Variants in MYOCD observed in about 807,000 individuals in gnomAD.
The protein encoded by MYOCD is myocardin.
Under a neutral mutation model 96.1 loss-of-function variants are expected in MYOCD, and 32 were observed. The observed-to-expected ratio is 0.33, with a 90% confidence interval of 0.25 to 0.45. The LOEUF (loss-of-function observed/expected upper bound fraction) is 0.45, where lower values mean the gene tolerates loss of function less well. MYOCD is among the 20% of genes least tolerant of loss of function. MYOCD has a pLI of 1.00. For missense variants in MYOCD, 1,133 were observed against 1,200.6 expected (o/e 0.94, Z 0.83); for synonymous variants, 469 against 469.0 (o/e 1.00, Z 0.00).
intron 1 of MYOCD, among the ~76,000 whole-genome samples, chr17:12,687,569 A>G (rs1158939848): frequency 2.0e-5 from 3 of 152,172 alleles, no homozygotes; most frequent in Non-Finnish European, 4.4e-5. Context: ...TTCTTTCCCC[A>G]AATGATAACT....
At chr17:12,711,223 A>G (rs763686998) in intron 2 of MYOCD, among the ~76,000 whole-genome samples, 1 of 152,234 alleles carries the variant, frequency 6.6e-6, no homozygotes, top group Non-Finnish European at 1.5e-5. Flanking sequence ...ATTTGTCTTT[A>G]AAACCAAGAC....
At chr17:12,699,971 A>G (rs1468377906) in intron 1 of MYOCD, among the ~76,000 whole-genome samples, 1 of 136,344 alleles carries the variant, frequency 7.3e-6, no homozygotes, top group Non-Finnish European at 1.5e-5. Context: ...GTGCAATGGC[A>G]CAATCTCGGC....
At chr17:12,669,370 C>T (rs188324347) in intron 1 of MYOCD, among the ~76,000 whole-genome samples, 1 of 152,276 alleles carries the variant, frequency 6.6e-6, no homozygotes, top group Non-Finnish European at 1.5e-5. Context: ...TCCCACTTCC[C>T]CATCTTAAAC....
chr17:12,680,502 T>A (rs887710383), intron 1 of MYOCD, among the ~76,000 whole-genome samples: 8 of 152,282 alleles, frequency 5.3e-5, no homozygotes, highest in African/African-American at 1.7e-4. Context: ...AAGGCGTAAA[T>A]CTGAGTCCCT....
intron 8 of MYOCD, 101 bp downstream of exon 8, chr17:12,744,537 T>C (rs1401534102): frequency 6.8e-5 from 97 of 1,417,866 alleles, no homozygotes; most frequent in Non-Finnish European, 8.2e-5. Flanking sequence ...AAGTCCTGTA[T>C]TGCACCATTT....
intron 1 of MYOCD, among the ~76,000 whole-genome samples, chr17:12,670,653 A>G (rs1217079286): frequency 2.0e-5 from 3 of 152,240 alleles, no homozygotes; most frequent in Non-Finnish European, 2.9e-5. Context: ...GTATGTACAT[A>G]TAATTTAATT....
chr17:12,667,843 CA>C (rs1225506665), intron 1 of MYOCD, among the ~76,000 whole-genome samples: 1 of 152,116 alleles, frequency 6.6e-6, no homozygotes, highest in Non-Finnish European at 1.5e-5. Context: ...CCTGGAGCTT[CA>C]GAGAATTCCA....
Position 12,760,672 on chromosome 17 carries a change from T to C in MYOCD, c.2354T>C (p.Met785Thr), listed in dbSNP as rs1258392615. 1 of 1,613,978 alleles carries C rather than the reference T, an allele frequency of 6.2e-7. No homozygotes were observed. Among genetic ancestry groups the C allele is most frequent in the Non-Finnish European group, 8.5e-7 (1 of 1,179,972 alleles). Residue 785 changes from methionine (M) to threonine (T), a missense_variant, in exon 13 of 14, where the codon ATG (methionine) becomes ACG (threonine). Transcript: ENST00000425538. ...TAGCAAATGACCCGGAGTCAGCAGA[T>C]GGATGAACTCCTGGACGTGCTTATT... ...VKQQMTRSQQ[M>T]DELLDVLIES...
At chr17:12,715,599 C>T in intron 3 of MYOCD, 25 bp downstream of exon 3, 1 of 1,577,480 alleles carries the variant, frequency 6.3e-7, no homozygotes. Flanking sequence ...TTTCTTGACC[C>T]AAGCTTAGAC....
Position 12,756,539 on chromosome 17 carries a change from C to T in MYOCD, c.2184C>T (p.Ser728=). The part of the protein sequence containing the change: ...HGAGGNPCPK[S]PCVQQKMAGL... The stretch of plus-strand genomic sequence containing the variant: ...CCGGGGGAAACCCTTGTCCCAAAAG[C>T]CCATGTGTACAGCAAAAGGTAGGCA... The change falls in exon 11 of 14, where the codon AGC becomes AGT. Residue 728 remains serine, a synonymous_variant. Transcript: ENST00000425538. 9 of 1,551,310 alleles carry T rather than the reference C, an allele frequency of 5.8e-6. No individual in the cohort carries two copies. Among genetic ancestry groups the T allele is most frequent in the Non-Finnish European group, 7.8e-6 (9 of 1,146,876 alleles).
At chr17:12,747,478 T>A (rs1288256029) in intron 9 of MYOCD, among the ~76,000 whole-genome samples, 1 of 152,146 alleles carries the variant, frequency 6.6e-6, no homozygotes, top group Non-Finnish European at 1.5e-5. Flanking sequence ...AAGTCATCCA[T>A]TTCCATCAGT....
At chr17:12,708,681 G>A (rs1323019120) in intron 2 of MYOCD, among the ~76,000 whole-genome samples, 3 of 152,068 alleles carry the variant, frequency 2.0e-5, no homozygotes, top group South Asian at 2.1e-4. Flanking sequence ...GTGAGCCACC[G>A]CGCCTGGCCA....
At chr17:12,695,010 G>T (rs2030675969) in intron 1 of MYOCD, among the ~76,000 whole-genome samples, 2 of 151,538 alleles carry the variant, frequency 1.3e-5, no homozygotes, top group African/African-American at 4.8e-5. Context: ...ATCAGCTAAT[G>T]AAGGAACCCT....
At chr17:12,762,743 G>C (rs772138589) in intron 13 of MYOCD, 3 of 230,172 alleles carry the variant, frequency 1.3e-5, no homozygotes, top group African/African-American at 4.5e-5. Context: ...ATGGCATGGC[G>C]CCTGGTCCCT....
chr17:12,721,058 T>C (rs2031819638), intron 4 of MYOCD, among the ~76,000 whole-genome samples: 1 of 147,818 alleles, frequency 6.8e-6, no homozygotes, highest in Non-Finnish European at 1.5e-5. Flanking sequence ...TGACTCTAAG[T>C]AGGGATTTTC....
chr17:12,709,351 C>CT (rs547148558), intron 2 of MYOCD, among the ~76,000 whole-genome samples: 2 of 152,142 alleles, frequency 1.3e-5, no homozygotes, highest in South Asian at 4.1e-4. Flanking sequence ...TCACTTTGTT[C>CT]TTATGTGTGG....
At chr17:12,743,107 C>A (rs1484895533) in intron 7 of MYOCD, among the ~76,000 whole-genome samples, 2 of 152,130 alleles carry the variant, frequency 1.3e-5, no homozygotes, top group Admixed American at 6.5e-5. Flanking sequence ...AGTAATTGTA[C>A]CACTTTCAAA....
intron 11 of MYOCD, 94 bp from the exon 12 acceptor site, chr17:12,757,990 AT>A (rs1484070220): frequency 1.0e-5 from 10 of 964,694 alleles, no homozygotes; most frequent in Admixed American, 2.1e-5. Context: ...TCTTAGATCA[AT>A]TTTTCCAAAA....
chr17:12,751,230 T>C (rs1295816214), intron 9 of MYOCD, among the ~76,000 whole-genome samples: 1 of 151,886 alleles, frequency 6.6e-6, no homozygotes, highest in Non-Finnish European at 1.5e-5. Context: ...TTGTTAACAT[T>C]TTAGCATATT....
Sources: gnomAD v4.1 joint callset for allele counts (sites outside exome capture counted in the v4.1 genomes callset) on GRCh38, gnomAD v4.1.1 for gene constraint, MANE v1.5 for transcripts, NCBI Gene and HGNC (gene_info 2026-07-23, HGNC 2026-07-21) for gene names.